The following NLGN4Y variants were observed in gnomAD, a reference collection of about 807,000 sequenced individuals.
NLGN4Y encodes neuroligin 4 Y-linked, also known as neuroligin-4, Y-linked.
Under a neutral mutation model 8.4 loss-of-function variants are expected in NLGN4Y, and 4 were observed. The ratio of observed to expected loss-of-function variants is 0.48; its 90% CI spans 0.23 to 1.09. NLGN4Y has a LOEUF of 1.09. NLGN4Y is among the 50% of genes least tolerant of loss of function. The probability of loss-of-function intolerance (pLI) is 0.19; values close to 1 mark genes in which losing one functional copy is unlikely to be tolerated. For synonymous variants in NLGN4Y, 35 were observed against 75.6 expected (o/e 0.46, Z 2.78); for missense variants, 90 against 192.3 (o/e 0.47, Z 3.15).
chrY:14,578,959 G>A (rs2080307457), intron 1 of NLGN4Y, among the ~76,000 whole-genome samples: 1 of 34,055 alleles, frequency 2.9e-5, no homozygotes, highest in Admixed American at 2.7e-4. Context: ...AAGCATTTAC[G>A]CTGATGTATC....
chrY:14,555,848 C>A, intron 1 of NLGN4Y, among the ~76,000 whole-genome samples: 1 of 33,470 alleles, frequency 3.0e-5, no homozygotes, highest in Non-Finnish European at 7.4e-5. Context: ...TACTATAATG[C>A]TTTTGTAGTC....
At chrY:14,569,350 TA>T (rs2080262032) in intron 1 of NLGN4Y, among the ~76,000 whole-genome samples, 1 of 33,070 alleles carries the variant, frequency 3.0e-5, no homozygotes, top group Non-Finnish European at 7.4e-5. Context: ...CTCCCACTTG[TA>T]ACTGAGAACA....
At chrY:14,668,757 C>T in intron 2 of NLGN4Y, among the ~76,000 whole-genome samples, 1 of 32,396 alleles carries the variant, frequency 3.1e-5, no homozygotes, top group East Asian at 8.1e-4. Context: ...TGGGAGGCCT[C>T]AGGAAACTTA....
At chrY:14,721,140 C>T (rs2080932993) in intron 3 of NLGN4Y, among the ~76,000 whole-genome samples, 2 of 33,473 alleles carry the variant, frequency 6.0e-5, no homozygotes, top group Admixed American at 5.4e-4. Flanking sequence ...GGTATCACTC[C>T]ACAAGTTCAA....
At chrY:14,672,734 A>C (rs1603502394) in intron 2 of NLGN4Y, among the ~76,000 whole-genome samples, 1 of 31,540 alleles carries the variant, frequency 3.2e-5, no homozygotes. Context: ...CAATCCTAAG[A>C]CAAAAGAACA....
chrY:14,673,764 G>T, intron 2 of NLGN4Y, among the ~76,000 whole-genome samples: 1 of 33,313 alleles, frequency 3.0e-5, no homozygotes, highest in African/African-American at 1.2e-4. Context: ...CAATAGCAAA[G>T]ACTTGGAACC....
chrY:14,728,364 A>T (rs2080961939), intron 4 of NLGN4Y, among the ~76,000 whole-genome samples: 1 of 33,932 alleles, frequency 2.9e-5, no homozygotes, highest in African/African-American at 1.1e-4. Context: ...TACTCAAAAG[A>T]GTTGAAAGCA....
intron 1 of NLGN4Y, among the ~76,000 whole-genome samples, chrY:14,554,430 C>T (rs2080205230): frequency 6.4e-5 from 2 of 31,447 alleles, no homozygotes; most frequent in Non-Finnish European, 7.6e-5. Context: ...AGGCTGGTCT[C>T]GAACTTCTGG....
intron 1 of NLGN4Y, among the ~76,000 whole-genome samples, chrY:14,598,257 G>A (rs914053041): frequency 2.9e-5 from 1 of 34,529 alleles, no homozygotes; most frequent in African/African-American, 1.1e-4. Context: ...GTTGGTGCTC[G>A]TCGGGGAGGC....
intron 2 of NLGN4Y, among the ~76,000 whole-genome samples, chrY:14,696,487 C>G: frequency 3.1e-5 from 1 of 32,698 alleles, no homozygotes; most frequent in Non-Finnish European, 7.5e-5. Context: ...TAATTTTTGG[C>G]TTTTCTTGGC....
rs769592884 is a variant in NLGN4Y at position 14,739,850 on chromosome Y, G to A, written c.685+16581G>A. 9.4e-5 allele frequency among the ~76,000 whole-genome samples: 3 copies of A among 31,914 alleles called. No individual in the cohort carries two copies. The South Asian group carries it at 2.2e-3, about 24-fold the overall frequency. The allele number at this position is 31,914 out of a possible 37,273, so 85.6% of individuals were successfully genotyped here. Reference sequence around the variant, plus strand: ...ACAGGAAAACACCCAGGATTGCCAGGGTTTAGGTGACATTGCCAGGTCAGC... The same window carrying A: ...ACAGGAAAACACCCAGGATTGCCAGAGTTTAGGTGACATTGCCAGGTCAGC... On this transcript the variant is annotated intron_variant, in intron 4 of 6. Transcript: ENST00000684976.
chrY:14,580,911 G>GA (rs2080317848), intron 1 of NLGN4Y, among the ~76,000 whole-genome samples: 1 of 14,995 alleles, frequency 6.7e-5, no homozygotes, highest in Non-Finnish European at 1.4e-4. Flanking sequence ...AAAAGAAAAA[G>GA]AAAAAAATTA....
intron 1 of NLGN4Y, among the ~76,000 whole-genome samples, chrY:14,532,836 C>A (rs2080119247): frequency 3.5e-4 from 10 of 28,946 alleles, no homozygotes; most frequent in Admixed American, 3.3e-3. Flanking sequence ...CTCTATTTTC[C>A]TTCCTTTTTT....
chrY:14,601,462 G>A (rs772221685), intron 1 of NLGN4Y, among the ~76,000 whole-genome samples: 1 of 33,019 alleles, frequency 3.0e-5, no homozygotes, highest in Admixed American at 2.8e-4. Context: ...CGCTGTTTCT[G>A]GCTCACTAAA....
chrY:14,528,611 G>A (rs2080100899), intron 1 of NLGN4Y, among the ~76,000 whole-genome samples: 2 of 32,427 alleles, frequency 6.2e-5, no homozygotes, highest in Admixed American at 2.8e-4. Context: ...CTCCCACCAC[G>A]TCCCTCCCAT....
intron 1 of NLGN4Y, among the ~76,000 whole-genome samples, chrY:14,575,243 G>T (rs1603500192): frequency 3.0e-5 from 1 of 32,935 alleles, no homozygotes; most frequent in East Asian, 8.0e-4. Flanking sequence ...ATGTAGATTT[G>T]GTCTTTTCAC....
At chrY:14,685,258 C>T (rs746613377) in intron 2 of NLGN4Y, among the ~76,000 whole-genome samples, 9 of 33,423 alleles carry the variant, frequency 2.7e-4, no homozygotes, top group Middle Eastern at 0.014. Context: ...TTGCTGTTTT[C>T]ACATCCATTC....
At chrY:14,724,977 G>C (rs936489742) in intron 4 of NLGN4Y, among the ~76,000 whole-genome samples, 1 of 32,837 alleles carries the variant, frequency 3.0e-5, no homozygotes, top group African/African-American at 1.2e-4. Context: ...ATTGGATTTA[G>C]GGTTTATCCT....
intron 4 of NLGN4Y, among the ~76,000 whole-genome samples, chrY:14,742,277 A>G: frequency 3.0e-5 from 1 of 32,993 alleles, no homozygotes; most frequent in Non-Finnish European, 7.5e-5. Flanking sequence ...CCACATTGGC[A>G]TATCACCCAA....
Sources: allele counts gnomAD v4.1 joint callset (sites outside exome capture counted in the v4.1 genomes callset), GRCh38; gene constraint gnomAD v4.1.1; transcripts MANE v1.5; gene names NCBI Gene and HGNC (gene_info 2026-07-23, HGNC 2026-07-21).